Variants in PDE1C observed in about 807,000 individuals in gnomAD.
PDE1C encodes the protein dual specificity calcium/calmodulin-dependent 3',5'-cyclic nucleotide phosphodiesterase 1C.
Under a neutral mutation model 93.1 loss-of-function variants are expected in PDE1C, and 62 were observed. The ratio of observed to expected loss-of-function variants is 0.67; its 90% CI spans 0.54 to 0.82. The LOEUF (loss-of-function observed/expected upper bound fraction) is 0.82, where lower values mean the gene tolerates loss of function less well. PDE1C is among the 40% of genes least tolerant of loss of function. The pLI, the probability that PDE1C is intolerant of heterozygous loss-of-function variation, is 0.00. For missense variants in PDE1C, 742 were observed against 884.6 expected (o/e 0.84, Z 2.04); for synonymous variants, 325 against 310.1 (o/e 1.05, Z -0.50).
At chr7:32,355,512 C>G (rs963933293) in intron 1 of PDE1C, among the ~76,000 whole-genome samples, 1 of 142,046 alleles carries the variant, frequency 7.0e-6, no homozygotes, top group Non-Finnish European at 1.6e-5. Context: ...CCCCACCATC[C>G]CCTCAAATCT....
intron 2 of PDE1C, among the ~76,000 whole-genome samples, chr7:31,981,478 TTC>T (rs1321214078): frequency 5.9e-5 from 9 of 152,218 alleles, no homozygotes; most frequent in Non-Finnish European, 5.9e-5. Context: ...TTAATCTCCT[TTC>T]TACTGAAATG....
chr7:32,052,819 C>G (rs7801338), intron 1 of PDE1C, among the ~76,000 whole-genome samples: 5,498 of 152,200 alleles, frequency 0.036, 114 homozygotes, highest in Middle Eastern at 0.085. Flanking sequence ...GTAGTGATAT[C>G]TATTTACCTG....
At chr7:31,998,254 C>T (rs555331484) in intron 2 of PDE1C, among the ~76,000 whole-genome samples, 18 of 152,162 alleles carry the variant, frequency 1.2e-4, no homozygotes, top group South Asian at 2.1e-4. Context: ...CTCCTGACCT[C>T]GTGATTCTCC....
intron 2 of PDE1C, among the ~76,000 whole-genome samples, chr7:32,179,507 C>T (rs1803244673): frequency 6.6e-6 from 1 of 152,122 alleles, no homozygotes; most frequent in Non-Finnish European, 1.5e-5. Flanking sequence ...GATCCGCCTG[C>T]CTCGGCCTAC....
chr7:32,363,128 A>G (rs1160462404), intron 1 of PDE1C, among the ~76,000 whole-genome samples: 1 of 152,108 alleles, frequency 6.6e-6, no homozygotes, highest in Non-Finnish European at 1.5e-5. Flanking sequence ...AACACCTTTG[A>G]AAGTGAAAGG....
intron 16 of PDE1C, among the ~76,000 whole-genome samples, chr7:31,796,543 C>A (rs1024465874): frequency 1.3e-5 from 2 of 151,734 alleles, no homozygotes; most frequent in African/African-American, 4.8e-5. Flanking sequence ...AAAGCGCTAA[C>A]TGTTCTGATT....
chr7:31,784,907 T>C lies in PDE1C; in HGVS notation c.1892-9175A>G, dbSNP rs943974662. On this transcript the variant is annotated intron_variant, in intron 16 of 17. Transcript: ENST00000396191. ...TATCCATCTATATATATTAATATAA[T>C]ATGTGACTGTATTTCTGTACCATCA... is the stretch of plus-strand genomic sequence containing the variant. 5 of 152,318 alleles carry C rather than the reference T, an allele frequency of 3.3e-5. No individual in the cohort carries two copies. The East Asian group carries it at 9.6e-4, about 29-fold the overall frequency. 9.4% of individuals were successfully genotyped at this position (152,318 alleles called of 1,614,324 possible).
chr7:31,731,042 G>A, the PDE1C span, among the ~76,000 whole-genome samples: 1 of 151,924 alleles, frequency 6.6e-6, no homozygotes, highest in South Asian at 2.1e-4. Flanking sequence ...AGGGGGGCGG[G>A]TTCCCAAGCT....
At chr7:31,749,648 T>G (rs78610151), downstream of PDE1C, among the ~76,000 whole-genome samples, 560 of 152,032 alleles carry the variant, frequency 3.7e-3, 2 homozygotes, top group African/African-American at 0.013. Context: ...GGCGAGAAGA[T>G]GCAGACAAAT....
At chr7:31,713,442 C>T in the PDE1C span, among the ~76,000 whole-genome samples, 37 of 152,292 alleles carry the variant, frequency 2.4e-4, no homozygotes, top group East Asian at 4.6e-3. Context: ...CACAGTCTGG[C>T]GTCGAGTGTC....
intron 2 of PDE1C, among the ~76,000 whole-genome samples, chr7:32,048,435 C>A (rs30579): frequency 0.84 from 127,648 of 151,872 alleles, 53,756 homozygotes; most frequent in Middle Eastern, 0.9. Flanking sequence ...TTGCCCTGAG[C>A]CCACCATGTA....
intron 17 of PDE1C, among the ~76,000 whole-genome samples, chr7:31,758,062 C>T (rs1794582664): frequency 6.6e-6 from 1 of 152,168 alleles, no homozygotes. Flanking sequence ...AAACCAAACA[C>T]TGCATGTTCT....
intron 1 of PDE1C, among the ~76,000 whole-genome samples, chr7:32,210,841 A>T (rs143001930): frequency 1.8e-3 from 267 of 152,272 alleles, no homozygotes; most frequent in African/African-American, 5.6e-3. Flanking sequence ...TATATATAAG[A>T]TGTTATATAA....
intron 3 of PDE1C, among the ~76,000 whole-genome samples, chr7:32,135,905 T>C (rs1800178542): frequency 6.6e-6 from 1 of 152,176 alleles, no homozygotes; most frequent in East Asian, 1.9e-4. Context: ...AAAGAAAGTG[T>C]GGTATATTAT....
chr7:32,233,354 T>C (rs1264310049), intron 1 of PDE1C, among the ~76,000 whole-genome samples: 1 of 152,140 alleles, frequency 6.6e-6, no homozygotes, highest in Non-Finnish European at 1.5e-5. Flanking sequence ...ACATGCTAAA[T>C]GTAAGTGGTT....
At chr7:32,015,637 T>A (rs1787797483) in intron 2 of PDE1C, among the ~76,000 whole-genome samples, 1 of 152,132 alleles carries the variant, frequency 6.6e-6, no homozygotes, top group East Asian at 1.9e-4. Flanking sequence ...AGATGTATAT[T>A]TTTTGCTGAT....
chr7:31,660,080 T>A, the PDE1C span, among the ~76,000 whole-genome samples: 1 of 152,162 alleles, frequency 6.6e-6, no homozygotes, highest in Non-Finnish European at 1.5e-5. Context: ...GCTGCCGCCA[T>A]GTGAAGAAGG....
At chr7:32,051,651 C>A in intron 1 of PDE1C, 71 bp from the exon 2 acceptor site, 1 of 1,304,082 alleles carries the variant, frequency 7.7e-7, no homozygotes, top group Non-Finnish European at 1.1e-6. Flanking sequence ...GGGATTACTT[C>A]AGTGGGGATG....
At chr7:31,799,180 G>A (rs116059619) in intron 16 of PDE1C, among the ~76,000 whole-genome samples, 57 of 151,684 alleles carry the variant, frequency 3.8e-4, no homozygotes, top group African/African-American at 1.4e-3. Context: ...ATGAACCTAA[G>A]ACAGAAACAA....
Sources: allele counts gnomAD v4.1 joint callset (sites outside exome capture counted in the v4.1 genomes callset), GRCh38; gene constraint gnomAD v4.1.1; transcripts MANE v1.5; gene names NCBI Gene and HGNC (gene_info 2026-07-23, HGNC 2026-07-21).